The following NTM variants were observed in gnomAD, a reference collection of about 807,000 sequenced individuals.
The protein encoded by NTM is IgLON family member 2.
NTM carries 13 observed loss-of-function variants against 42.1 expected under a neutral mutation model. The ratio of observed to expected loss-of-function variants is 0.31; its 90% CI spans 0.20 to 0.49. The LOEUF is 0.49. Among genes scored for constraint, NTM ranks in the 20% least tolerant of loss-of-function variants. The pLI, the probability that NTM is intolerant of heterozygous loss-of-function variation, is 0.99. For synonymous variants in NTM, 187 were observed against 179.2 expected, an observed-to-expected ratio of 1.04 and a Z score of -0.35; for missense variants, 373 against 452.8, an observed-to-expected ratio of 0.82 and a Z score of 1.60.
intron 2 of NTM, among the ~76,000 whole-genome samples, chr11:132,078,618 G>A (rs1018051724): frequency 6.6e-6 from 1 of 152,214 alleles, no homozygotes; most frequent in African/African-American, 2.4e-5. Context: ...ACTGGGAGCT[G>A]CTTCATTTGG....
At chr11:131,911,383 G>C in intron 1 of NTM, 181 bp from the exon 2 acceptor site, 1 of 1,578,048 alleles carries the variant, frequency 6.3e-7, no homozygotes, top group Non-Finnish European at 8.6e-7. Flanking sequence ...TCACCGCTCA[G>C]TCCCCGCGCT....
At chr11:131,384,989 G>A (rs980946753) in intron 1 of NTM, among the ~76,000 whole-genome samples, 1 of 152,250 alleles carries the variant, frequency 6.6e-6, no homozygotes, top group Admixed American at 6.5e-5. Flanking sequence ...TAAGGCGGCA[G>A]CATCTGTGTG....
intron 4 of NTM, among the ~76,000 whole-genome samples, chr11:132,269,915 A>G (rs2093396574): frequency 6.6e-6 from 1 of 152,212 alleles, no homozygotes; most frequent in African/African-American, 2.4e-5. Context: ...ACTTTCAAAC[A>G]TTTTAAGGTT....
At chr11:132,218,363 G>A (rs1434275567) in intron 4 of NTM, among the ~76,000 whole-genome samples, 3 of 152,194 alleles carry the variant, frequency 2.0e-5, no homozygotes, top group Non-Finnish European at 4.4e-5. Flanking sequence ...TTTTGGTTGG[G>A]TTGCCCTGTC....
At chr11:132,276,394 G>C (rs1473475315) in intron 4 of NTM, among the ~76,000 whole-genome samples, 1 of 152,108 alleles carries the variant, frequency 6.6e-6, no homozygotes, top group African/African-American at 2.4e-5. Flanking sequence ...TAGTATAGCA[G>C]ACCTGAGACT....
At chr11:132,213,952 T>C (rs1375613267) in intron 4 of NTM, among the ~76,000 whole-genome samples, 1 of 63,626 alleles carries the variant, frequency 1.6e-5, no homozygotes, top group African/African-American at 4.7e-5. Flanking sequence ...GCTGGGATGG[T>C]CTCGATCTCC....
At chr11:132,177,575 A>G (rs1388564059) in intron 3 of NTM, among the ~76,000 whole-genome samples, 1 of 152,198 alleles carries the variant, frequency 6.6e-6, no homozygotes, top group African/African-American at 2.4e-5. Flanking sequence ...AATACATAAC[A>G]TTTTAGAAGA....
intron 1 of NTM, among the ~76,000 whole-genome samples, chr11:131,384,292 ATT>A (rs1371721684): frequency 6.6e-6 from 1 of 152,210 alleles, no homozygotes; most frequent in East Asian, 1.9e-4. Flanking sequence ...GGAAAAGCAG[ATT>A]GACAAAAAGT....
chr11:132,333,922 C>A (rs540356), intron 8 of NTM, among the ~76,000 whole-genome samples: 42,861 of 152,156 alleles, frequency 0.28, 7,608 homozygotes, highest in Non-Finnish European at 0.4. Flanking sequence ...TTTGTTTTAG[C>A]CAGAAATGTA....
chr11:131,731,660 G>A (rs1410435073), intron 1 of NTM, among the ~76,000 whole-genome samples: 5 of 152,148 alleles, frequency 3.3e-5, no homozygotes, highest in Non-Finnish European at 7.3e-5. Flanking sequence ...TTTAGTGGAA[G>A]CAGTCAGAGC....
At chr11:132,035,846 C>A (rs1294411631) in intron 2 of NTM, among the ~76,000 whole-genome samples, 1 of 152,096 alleles carries the variant, frequency 6.6e-6, no homozygotes, top group African/African-American at 2.4e-5. Context: ...ATCATTAAAT[C>A]CCAGATTTCA....
At chr11:131,724,999 G>A (rs562806568) in intron 1 of NTM, among the ~76,000 whole-genome samples, 84 of 152,182 alleles carry the variant, frequency 5.5e-4, no homozygotes, top group Non-Finnish European at 1.1e-3. Context: ...GGGAACTCAG[G>A]TCCAGGGACA....
At chr11:131,479,365 G>C (rs150605675) in intron 1 of NTM, among the ~76,000 whole-genome samples, 421 of 152,320 alleles carry the variant, frequency 2.8e-3, no homozygotes, top group Non-Finnish European at 4.4e-3. Context: ...AGAAGGGTGG[G>C]AGAGAGCATG....
chr11:131,826,049 G>C (rs1186519704), intron 1 of NTM, among the ~76,000 whole-genome samples: 1 of 152,170 alleles, frequency 6.6e-6, no homozygotes, highest in African/African-American at 2.4e-5. Flanking sequence ...AAAGTGGAGA[G>C]AGCCTAGGAA....
chr11:131,906,333 G>A (rs1054008243), intron 1 of NTM, among the ~76,000 whole-genome samples: 3 of 152,092 alleles, frequency 2.0e-5, no homozygotes, highest in Non-Finnish European at 4.4e-5. Context: ...AGAGTAGAAA[G>A]AACCCTGCTG....
intron 4 of NTM, among the ~76,000 whole-genome samples, chr11:132,240,418 T>C (rs1394415699): frequency 6.6e-6 from 1 of 152,216 alleles, no homozygotes; most frequent in East Asian, 1.9e-4. Context: ...ATTCTAACAG[T>C]CTTCTTGGGT....
intron 1 of NTM, among the ~76,000 whole-genome samples, chr11:131,445,974 A>T (rs1175419650): frequency 6.6e-6 from 1 of 152,254 alleles, no homozygotes; most frequent in African/African-American, 2.4e-5. Context: ...AAAGGCTAAC[A>T]TAGTTACTAT....
At chr11:131,754,139 G>T (rs948128745) in intron 1 of NTM, among the ~76,000 whole-genome samples, 1 of 120,392 alleles carries the variant, frequency 8.3e-6, no homozygotes, top group African/African-American at 3.1e-5. Flanking sequence ...TTGTGGGGTG[G>T]GGGGAGGGGG....
intron 2 of NTM, among the ~76,000 whole-genome samples, chr11:132,110,801 G>T (rs906278964): frequency 6.6e-6 from 1 of 151,964 alleles, no homozygotes; most frequent in South Asian, 2.1e-4. Flanking sequence ...TTGTGAGGCT[G>T]AGGTGGGAGG....
Sources: allele counts gnomAD v4.1 joint callset (sites outside exome capture counted in the v4.1 genomes callset), GRCh38; gene constraint gnomAD v4.1.1; transcripts MANE v1.5; gene names NCBI Gene and HGNC (gene_info 2026-07-23, HGNC 2026-07-21).